Variants in ARHGEF38 observed in about 807,000 individuals in gnomAD.
ARHGEF38 encodes Rho guanine nucleotide exchange factor (GEF) 38.
A neutral mutation model predicts 79.9 loss-of-function variants in ARHGEF38; 79 were observed. That is an observed-to-expected ratio of 0.99 (90% CI 0.82 to 1.19). The LOEUF (loss-of-function observed/expected upper bound fraction) is 1.19, where lower values mean the gene tolerates loss of function less well. Ranked by LOEUF, ARHGEF38 falls within the 50% of genes most tolerant of loss-of-function variation. The pLI is 0.00. For missense variants in ARHGEF38, 962 were observed against 907.2 expected (o/e 1.06, Z -0.78); for synonymous variants, 366 against 328.3 (o/e 1.11, Z -1.24).
At chr4:105,619,138 A>G (rs948310329) in intron 3 of ARHGEF38, among the ~76,000 whole-genome samples, 4 of 152,152 alleles carry the variant, frequency 2.6e-5, no homozygotes, top group Non-Finnish European at 4.4e-5. Context: ...CCATATTTGA[A>G]AAAGAATCAG....
chr4:105,591,050 TG>T (rs1474870011), intron 2 of ARHGEF38, among the ~76,000 whole-genome samples: 2 of 152,234 alleles, frequency 1.3e-5, no homozygotes, highest in African/African-American at 4.8e-5. Flanking sequence ...TTGTTTAAGA[TG>T]TATGTTTATT....
At chr4:105,571,004 G>T (rs1056553541) in intron 1 of ARHGEF38, among the ~76,000 whole-genome samples, 2 of 152,194 alleles carry the variant, frequency 1.3e-5, no homozygotes, top group Non-Finnish European at 2.9e-5. Context: ...AATGATGGTT[G>T]CCAGGGGCTG....
chr4:105,651,206 T>C (rs1196831090), intron 7 of ARHGEF38, among the ~76,000 whole-genome samples: 1 of 152,248 alleles, frequency 6.6e-6, no homozygotes. Context: ...GAAGGGATAT[T>C]AATTAGATTT....
chr4:105,674,202 A>T (rs1731047271), intron 13 of ARHGEF38, among the ~76,000 whole-genome samples: 1 of 152,138 alleles, frequency 6.6e-6, no homozygotes, highest in Non-Finnish European at 1.5e-5. Context: ...ATTAGGTATG[A>T]GTCAATAATA....
At chr4:105,621,625 T>C (rs1305059510) in intron 3 of ARHGEF38, among the ~76,000 whole-genome samples, 2 of 152,204 alleles carry the variant, frequency 1.3e-5, no homozygotes, top group African/African-American at 2.4e-5. Flanking sequence ...AATCTGTGCC[T>C]TTAGCAGTGA....
At chr4:105,600,666 A>G (rs936321093) in intron 2 of ARHGEF38, among the ~76,000 whole-genome samples, 36 of 152,046 alleles carry the variant, frequency 2.4e-4, no homozygotes, top group African/African-American at 8.2e-4. Flanking sequence ...TGTTTCTCCA[A>G]TTCCCCACTC....
At chr4:105,676,218 G>A (rs936233195) in intron 13 of ARHGEF38, among the ~76,000 whole-genome samples, 1 of 152,164 alleles carries the variant, frequency 6.6e-6, no homozygotes, top group African/African-American at 2.4e-5. Flanking sequence ...TCTCAAGTTT[G>A]AGAGTTAATC....
chr4:105,667,354 C>T, intron 12 of ARHGEF38, 27 bp downstream of exon 12: 1 of 1,533,458 alleles, frequency 6.5e-7, no homozygotes, highest in Middle Eastern at 1.7e-4. Flanking sequence ...AACTACCACT[C>T]TTCTTTAAAC....
At position 105,562,588 on chromosome 4, in the gene ARHGEF38, T is replaced by C. The variant is rs1289267079; in HGVS notation, c.196+9627T>C. On this transcript the variant is annotated intron_variant, in intron 1 of 13. Coordinates refer to ENST00000420470, the MANE Select transcript of ARHGEF38 (RefSeq NM_001242729.2). The stretch of plus-strand genomic sequence containing the variant: ...AGTTTCCTGGCCAAGAAAAATAGGA[T>C]CTCTTTTTAAATGAATTTATTCAAC... 4.6e-5 allele frequency among the ~76,000 whole-genome samples: 7 copies of C among 152,204 alleles called. No individual in the cohort carries two copies. In the South Asian group the frequency reaches 1.2e-3, roughly 27 times the overall value.
chr4:105,644,260 A>G (rs960115347), intron 5 of ARHGEF38, among the ~76,000 whole-genome samples: 2 of 152,190 alleles, frequency 1.3e-5, no homozygotes, highest in Non-Finnish European at 1.5e-5. Context: ...TCATTTATCC[A>G]TAGCAATACT....
chr4:105,667,416 T>C, intron 12 of ARHGEF38, 28 bp from the exon 13 acceptor site: 2 of 1,534,618 alleles, frequency 1.3e-6, no homozygotes, highest in South Asian at 2.4e-5. Flanking sequence ...ATGAACTTGG[T>C]TCTTCTTTCT....
chr4:105,667,059 A>C, intron 11 of ARHGEF38, 70 bp from the exon 12 acceptor site: 1 of 1,310,100 alleles, frequency 7.6e-7, no homozygotes, highest in Non-Finnish European at 1.0e-6. Flanking sequence ...CAGGGAAAAA[A>C]TATTTACCAA....
chr4:105,561,459 A>AATGGAATG lies in ARHGEF38; in HGVS notation c.196+8498_196+8499insATGGAATG, dbSNP rs1725574431. 1.1e-4 allele frequency: 4 copies of AATGGAATG among 38,076 alleles called. 1 individual carries two copies. Among genetic ancestry groups the AATGGAATG allele is most frequent in the East Asian group, 6.1e-4 (1 of 1,648 alleles). 2.4% of individuals were successfully genotyped at this position (38,076 alleles called of 1,614,324 possible). On this transcript the variant is annotated intron_variant, in intron 1 of 13. Transcript: ENST00000420470. Reference sequence around the variant, plus strand: ...AGAATAGAATAGAATGGAATAGAATAGAATAGAATAGAATAGAATAGAATA... The same window carrying AATGGAATG: ...AGAATAGAATAGAATGGAATAGAATAATGGAATGGAATAGAATAGAATAGAATAGAATA...
At chr4:105,663,113 C>T (rs1730623823) in intron 10 of ARHGEF38, among the ~76,000 whole-genome samples, 1 of 152,118 alleles carries the variant, frequency 6.6e-6, no homozygotes, top group Non-Finnish European at 1.5e-5. Context: ...CCTCACACAG[C>T]TTACCCAATG....
At chr4:105,598,701 T>C (rs559361237) in intron 2 of ARHGEF38, among the ~76,000 whole-genome samples, 8 of 152,252 alleles carry the variant, frequency 5.3e-5, no homozygotes, top group African/African-American at 1.7e-4. Context: ...AGACTTGATT[T>C]TCACACTTTC....
chr4:105,660,454 G>C lies in ARHGEF38; in HGVS notation c.1545+1089G>C, dbSNP rs28602238. 9.6e-4 allele frequency among the ~76,000 whole-genome samples: 145 copies of C among 150,300 alleles called. 3 individuals are homozygous for C. In the East Asian group the frequency reaches 0.02, roughly 21 times the overall value. On this transcript the variant is annotated intron_variant, in intron 10 of 13. Transcript: ENST00000420470. ...TCATTCTTTTTTTTTTTTTTGGTGG[G>C]GGGGGATGGAGTTTCACTTTTGTTG...
At chr4:105,677,714 G>T (rs543197730) in intron 13 of ARHGEF38, 38 bp from the exon 14 acceptor site, 8 of 1,367,414 alleles carry the variant, frequency 5.9e-6, no homozygotes, top group South Asian at 1.8e-5. Flanking sequence ...TAATATTCAG[G>T]TTCCAATTCC....
At chr4:105,584,459 G>C (rs1270742092) in intron 1 of ARHGEF38, among the ~76,000 whole-genome samples, 1 of 152,096 alleles carries the variant, frequency 6.6e-6, no homozygotes, top group Non-Finnish European at 1.5e-5. Flanking sequence ...ACTTTATAAG[G>C]CTTTACTAAC....
At position 105,679,531 on chromosome 4, in the gene ARHGEF38, T is replaced by C; in HGVS notation, c.*1594T>C. The C allele has an allele frequency of 1.5e-6, 2 of 1,308,776 alleles. No homozygotes were observed. The highest frequency in any genetic ancestry group is 1.7e-5 in the Admixed American group (1 of 59,404). The allele number at this position is 1,308,776 out of a possible 1,614,324, so 81.1% of individuals were successfully genotyped here. A position where few individuals can be genotyped will look rare whatever the true frequency, so the allele number is the denominator to read the frequency against. ...GGTTCAAAGCTTGATACACCAGAAA[T>C]GTGGGCTAAAGCTGCAGCCAATGCA... On this transcript the variant is annotated 3_prime_UTR_variant, in exon 14 of 14. Transcript: ENST00000420470.
Sources: allele counts gnomAD v4.1 joint callset (sites outside exome capture counted in the v4.1 genomes callset), GRCh38; gene constraint gnomAD v4.1.1; transcripts MANE v1.5; gene names NCBI Gene and HGNC (gene_info 2026-07-23, HGNC 2026-07-21).